RSRP1: variants seen among roughly 807,000 people sequenced by gnomAD.
RSRP1 encodes the protein arginine and serine rich protein 1.
Under a neutral mutation model 33.0 loss-of-function variants are expected in RSRP1, and 37 were observed. That is an observed-to-expected ratio of 1.12 (90% CI 0.86 to 1.48). The LOEUF is 1.48. RSRP1 is among the 40% of genes most tolerant of loss of function. The probability of loss-of-function intolerance (pLI) is 0.00; values close to 1 mark genes in which losing one functional copy is unlikely to be tolerated. For missense variants in RSRP1, 402 were observed against 385.3 expected (o/e 1.04, Z -0.36); for synonymous variants, 167 against 158.7 (o/e 1.05, Z -0.40).
At chr1:25,280,425 C>A (rs1402242658) in intron 1 of RSRP1, among the ~76,000 whole-genome samples, 2 of 127,356 alleles carry the variant, frequency 1.6e-5, no homozygotes. Context: ...CCTGCCTCAG[C>A]CTCCTGAGTA....
At chr1:25,284,071 T>C (rs901865813) in intron 1 of RSRP1, among the ~76,000 whole-genome samples, 1 of 135,188 alleles carries the variant, frequency 7.4e-6, no homozygotes, top group Non-Finnish European at 1.8e-5. Context: ...GATTATGTGG[T>C]TCCCAACAAC....
chr1:25,256,803 A>C (rs999328352), intron 1 of RSRP1, among the ~76,000 whole-genome samples: 3 of 151,598 alleles, frequency 2.0e-5, no homozygotes, highest in Non-Finnish European at 4.4e-5. Context: ...CACGTGCTTG[A>C]CTTCTTGTAT....
intron 1 of RSRP1, among the ~76,000 whole-genome samples, chr1:25,256,278 C>A (rs1009651245): frequency 6.6e-6 from 1 of 151,862 alleles, no homozygotes; most frequent in Non-Finnish European, 1.5e-5. Context: ...CCTCAGCCTA[C>A]TGAGTAGCTA....
chr1:25,311,908 G>A (rs373294367), intron 1 of RSRP1, among the ~76,000 whole-genome samples: 1 of 131,416 alleles, frequency 7.6e-6, no homozygotes, highest in East Asian at 2.0e-4. Flanking sequence ...AAAGGGTGCT[G>A]TGAACAGCCA....
intron 1 of RSRP1, among the ~76,000 whole-genome samples, chr1:25,322,255 C>G (rs1644749867): frequency 2.3e-5 from 3 of 132,408 alleles, no homozygotes; most frequent in African/African-American, 7.7e-5. Context: ...CAGTCCTCAG[C>G]GTAGCCAAAT....
At chr1:25,272,037 C>A (rs2124575588) in intron 1 of RSRP1, among the ~76,000 whole-genome samples, 1 of 130,810 alleles carries the variant, frequency 7.6e-6, no homozygotes. Context: ...GGCTCAGCTC[C>A]ATTCTTTGCT....
chr1:25,297,879 T>G (rs1216110121), intron 1 of RSRP1, among the ~76,000 whole-genome samples: 1 of 131,164 alleles, frequency 7.6e-6, no homozygotes, highest in Non-Finnish European at 1.8e-5. Flanking sequence ...GGGCAGGAGG[T>G]GCTGCCAGAC....
chr1:25,263,603 C>T (rs1359857440), intron 1 of RSRP1, among the ~76,000 whole-genome samples: 8 of 151,958 alleles, frequency 5.3e-5, no homozygotes, highest in African/African-American at 1.5e-4. Context: ...CCTCCCACAA[C>T]GCATGGGAAT....
intron 1 of RSRP1, among the ~76,000 whole-genome samples, chr1:25,322,621 T>C (rs1644777225): frequency 7.6e-6 from 1 of 130,754 alleles, no homozygotes; most frequent in Non-Finnish European, 1.8e-5. Flanking sequence ...TGCAGTGATC[T>C]GAGATCATGC....
intron 1 of RSRP1, among the ~76,000 whole-genome samples, chr1:25,261,080 G>A (rs887061397): frequency 7.9e-5 from 12 of 151,830 alleles, no homozygotes; most frequent in Admixed American, 7.2e-4. Context: ...GATTACAGGC[G>A]TGAGCCACCG....
intron 1 of RSRP1, among the ~76,000 whole-genome samples, chr1:25,277,727 T>C (rs1641134104): frequency 8.1e-6 from 1 of 123,064 alleles, no homozygotes; most frequent in Non-Finnish European, 1.9e-5. Flanking sequence ...CCCAGGGGAG[T>C]GCAGTGGTGC....
Position 25,298,765 on chromosome 1 carries a change from C to G in RSRP1, c.-67+39213G>C, listed in dbSNP as rs1643139338. Among the ~76,000 whole-genome samples the G allele has an allele frequency of 2.3e-5, 3 of 130,572 alleles. 1 individual carries two copies. The highest frequency in any genetic ancestry group is 2.2e-4 in the Admixed American group (3 of 13,344). The allele number at this position is 130,572 out of a possible 152,430, so 85.7% of individuals were successfully genotyped here. A position where few individuals can be genotyped will look rare whatever the true frequency, so the allele number is the denominator to read the frequency against. On this transcript the variant is annotated intron_variant, in intron 1 of 1. Transcript: ENST00000561867. The stretch of plus-strand genomic sequence containing the variant: ...ATACAACTCTCATGGAACGTCTGTT[C>G]CAGAAGGAAAGACTGCCAATAAACA...
At chr1:25,304,510 A>T (rs1643642151) in intron 1 of RSRP1, 1 of 129,680 alleles carries the variant, frequency 7.7e-6, no homozygotes, top group African/African-American at 2.7e-5. Flanking sequence ...AGACACGAGA[A>T]TCACTTGAAC....
At chr1:25,254,601 A>AT (rs1639891964) in intron 1 of RSRP1, among the ~76,000 whole-genome samples, 1 of 151,786 alleles carries the variant, frequency 6.6e-6, no homozygotes, top group Non-Finnish European at 1.5e-5. Context: ...ATGCCAAGTA[A>AT]TTTTTTGTAT....
rs557746335 is a variant in RSRP1 at position 25,276,532 on chromosome 1, T to TAAAA, written c.-66-29507_-66-29504dup. Among the ~76,000 whole-genome samples the TAAAA allele has an allele frequency of 7.9e-3, 510 of 64,764 alleles. 56 individuals carry two copies. The highest frequency in any genetic ancestry group is 0.034 in the African/African-American group (470 of 13,844). 42.5% of individuals were successfully genotyped at this position (64,764 alleles called of 152,430 possible). A position where few individuals can be genotyped will look rare whatever the true frequency, so the allele number is the denominator to read the frequency against. ...ACATAGGGAGACCCCCCCCCATCTCTAAAAAAAAAAAAAAAAAAAAAAACT... is the reference window on the plus strand; with the variant it reads ...ACATAGGGAGACCCCCCCCCATCTCTAAAAAAAAAAAAAAAAAAAAAAAAAAACT... On this transcript the variant is annotated intron_variant, in intron 1 of 1. Coordinates refer to the RSRP1 transcript ENST00000561867.
In RSRP1 at chr1:25,299,206, A is replaced by AC. The variant is rs1306124447; in HGVS notation, c.-67+38771dup. The stretch of plus-strand genomic sequence containing the variant: ...AGACCAGGCTGGGGAACATGGTGAA[A>AC]CCCCGTCTCTACTAAAAATACAAAA... On this transcript the variant is annotated intron_variant, in intron 1 of 1. Coordinates refer to the RSRP1 transcript ENST00000561867. Among the ~76,000 whole-genome samples the AC allele has an allele frequency of 2.3e-5, 3 of 127,830 alleles. No homozygotes were observed. The East Asian group carries it at 5.9e-4, about 25-fold the overall frequency. The allele number at this position is 127,830 out of a possible 152,430, so 83.9% of individuals were successfully genotyped here.
chr1:25,246,660 T>C lies in RSRP1; in HGVS notation c.304A>G (p.Arg102Gly), dbSNP rs148547903. Residue 102 changes from arginine to glycine, a missense_variant, in exon 2 of 5, where the codon AGG becomes GGG. Physicochemically the swap from Arg to Gly is moderately radical, Grantham distance 125. Transcript: ENST00000243189. ...RYRERRYGFT[R>G]RYYRSPSRYR... ...CGCGAAGGAGACCGGTAGTATCTCC[T>C]GGTGAACCCGTAGCGCCTCTCTCGG... 2.3e-3 allele frequency: 3,700 copies of C among 1,613,622 alleles called. 10 individuals are homozygous for C. Among genetic ancestry groups the C allele is most frequent in the Non-Finnish European group, 2.9e-3 (3,414 of 1,179,704 alleles).
intron 1 of RSRP1, chr1:25,306,474 T>C (rs1249410330): frequency 7.3e-6 from 7 of 961,090 alleles, no homozygotes; most frequent in African/African-American, 3.2e-5. Flanking sequence ...AAGGGCTTCT[T>C]TGAGGTGAGC....
chr1:25,246,538 A>G lies in RSRP1; in HGVS notation c.426T>C (p.Phe142=). The G allele has an allele frequency of 6.2e-7, 1 of 1,614,220 alleles. No individual in the cohort carries two copies. The highest frequency in any genetic ancestry group is 1.6e-4 in the Middle Eastern group (1 of 6,062). The change falls in exon 2 of 5, where the codon TTT becomes TTC. Residue 142 remains phenylalanine (F), a synonymous_variant. Transcript: ENST00000243189. Reference sequence around the variant, plus strand: ...GCTCCTCCGGGTACACTGTGCGACCAAAGCCGTAGTAGCGCTGTCCCCGCG... The same window carrying G: ...GCTCCTCCGGGTACACTGTGCGACCGAAGCCGTAGTAGCGCTGTCCCCGCG... ...AIARGQRYYG[F]GRTVYPEEHS...
Sources: gnomAD v4.1 joint callset for allele counts (sites outside exome capture counted in the v4.1 genomes callset) on GRCh38, gnomAD v4.1.1 for gene constraint, MANE v1.5 for transcripts, NCBI Gene and HGNC (gene_info 2026-07-23, HGNC 2026-07-21) for gene names.